The following CYRIA variants were observed in gnomAD, a reference collection of about 807,000 sequenced individuals.
The protein encoded by CYRIA is CYFIP related Rac1 interactor A, also known as CYFIP-related Rac1 interactor A.
In CYRIA, 15 loss-of-function variants were observed where a neutral mutation model predicts 43.9. The observed-to-expected ratio is 0.34, with a 90% confidence interval of 0.23 to 0.53. The LOEUF (loss-of-function observed/expected upper bound fraction) is 0.53, where lower values mean the gene tolerates loss of function less well. Ranked by LOEUF, CYRIA falls within the 20% of genes least tolerant of loss-of-function variation. The probability of loss-of-function intolerance (pLI) is 0.94; values close to 1 mark genes in which losing one functional copy is unlikely to be tolerated. For synonymous variants in CYRIA, 117 were observed against 136.0 expected (o/e 0.86, Z 0.97); for missense variants, 236 against 394.2 (o/e 0.60, Z 3.40).
chr2:16,662,764 C>T (rs1474587546), intron 1 of CYRIA, among the ~76,000 whole-genome samples: 1 of 152,204 alleles, frequency 6.6e-6, no homozygotes, highest in Non-Finnish European at 1.5e-5. Flanking sequence ...GTATTTCAGC[C>T]CCAAAGCACA....
chr2:16,623,189 G>A (rs1234737572), intron 2 of CYRIA: 1 of 152,180 alleles, frequency 6.6e-6, no homozygotes, highest in Non-Finnish European at 1.5e-5. Context: ...CTGAACGCTT[G>A]ACCAAACTTT....
chr2:16,574,470 A>G (rs910505830), intron 3 of CYRIA, among the ~76,000 whole-genome samples: 10 of 152,242 alleles, frequency 6.6e-5, no homozygotes, highest in African/African-American at 2.4e-4. Flanking sequence ...CAAGACAACA[A>G]TGGGGAAAAT....
chr2:16,581,314 A>G (rs550660111), intron 3 of CYRIA, among the ~76,000 whole-genome samples: 1 of 152,322 alleles, frequency 6.6e-6, no homozygotes, highest in East Asian at 1.9e-4. Flanking sequence ...TCTTAAATAG[A>G]TAAGCAACTA....
rs138398329 is a variant in CYRIA, at chr2:16,634,596, A to G, written c.-166-10577T>C. ...CACTCTAACTGCTTTATGTTTATCC[A>G]GAGAAGTTATCAAAAACTCTTACCA... is the stretch of plus-strand genomic sequence containing the variant. On this transcript the variant is annotated intron_variant, in intron 1 of 11. Transcript: ENST00000381323. 1.5e-3 allele frequency among the ~76,000 whole-genome samples: 236 copies of G among 152,368 alleles called. 1 individual carries two copies. The highest frequency in any genetic ancestry group is 5.3e-3 in the African/African-American group (220 of 41,580).
chr2:16,603,234 A>C (rs961178612), intron 2 of CYRIA, among the ~76,000 whole-genome samples: 5 of 152,130 alleles, frequency 3.3e-5, no homozygotes, highest in Admixed American at 3.3e-4. Flanking sequence ...TGACTGCCTC[A>C]GGGCCCTTGC....
At chr2:16,629,453 C>T (rs979795419) in intron 1 of CYRIA, among the ~76,000 whole-genome samples, 4 of 152,228 alleles carry the variant, frequency 2.6e-5, no homozygotes, top group African/African-American at 9.7e-5. Flanking sequence ...CAAACTCTCC[C>T]ATCAATACAG....
At chr2:16,622,297 A>G (rs1202686209) in intron 2 of CYRIA, among the ~76,000 whole-genome samples, 1 of 152,202 alleles carries the variant, frequency 6.6e-6, no homozygotes, top group Non-Finnish European at 1.5e-5. Context: ...AAACCTTCCA[A>G]TGGCCAGGCT....
chr2:16,651,962 C>T (rs904965534), intron 1 of CYRIA, among the ~76,000 whole-genome samples: 1 of 152,110 alleles, frequency 6.6e-6, no homozygotes, highest in East Asian at 1.9e-4. Flanking sequence ...ACAGTCAGTT[C>T]TCAAAAAACA....
chr2:16,610,835 C>G (rs1260377197), intron 2 of CYRIA, among the ~76,000 whole-genome samples: 2 of 147,006 alleles, frequency 1.4e-5, no homozygotes, highest in Non-Finnish European at 3.0e-5. Flanking sequence ...TCCCTCTATC[C>G]ATCACCCCTC....
chr2:16,562,055 T>C lies in CYRIA; in HGVS notation c.385A>G (p.Lys129Glu). Residue 129 changes from lysine to glutamate, a missense_variant, in exon 6 of 12, where the codon AAG becomes GAG. Around this residue, in one of 3 missense-constraint regions of CYRIA, gnomAD observed 193 missense variants for 303.9 expected, o/e 0.64. Transcript: ENST00000381323. The stretch of plus-strand genomic sequence containing the variant: ...AAATGTAAAATTTCGGCAAACTCCT[T>C]TGCCAGGGCCTGTTCCCTTTCCAGG... ...QHLEREQALA[K>E]EFAEILHFTL... The C allele has an allele frequency of 1.2e-6, 2 of 1,613,614 alleles. No homozygotes were observed. Among genetic ancestry groups the C allele is most frequent in the Non-Finnish European group, 1.7e-6 (2 of 1,179,654 alleles).
At chr2:16,631,316 T>C (rs939877688) in intron 1 of CYRIA, among the ~76,000 whole-genome samples, 2 of 152,218 alleles carry the variant, frequency 1.3e-5, no homozygotes, top group African/African-American at 4.8e-5. Flanking sequence ...GATGGTTGAA[T>C]TGTAAACTTC....
intron 9 of CYRIA, among the ~76,000 whole-genome samples, chr2:16,559,861 C>T (rs1331885477): frequency 6.6e-6 from 1 of 152,154 alleles, no homozygotes; most frequent in East Asian, 1.9e-4. Context: ...GTACCTCACT[C>T]CTCCACCTAT....
At chr2:16,592,322 C>T (rs13400668) in intron 2 of CYRIA, among the ~76,000 whole-genome samples, 37,082 of 151,938 alleles carry the variant, frequency 0.24, 4,875 homozygotes, top group Admixed American at 0.3. Flanking sequence ...GAGGAAGAGA[C>T]GGGAGAGGAT....
At chr2:16,607,887 G>A (rs1668463627) in intron 2 of CYRIA, among the ~76,000 whole-genome samples, 1 of 152,186 alleles carries the variant, frequency 6.6e-6, no homozygotes, top group African/African-American at 2.4e-5. Context: ...GTGAGCCAGA[G>A]TGCCCGGTCC....
chr2:16,657,812 T>C (rs1476108868), intron 1 of CYRIA, among the ~76,000 whole-genome samples: 1 of 152,208 alleles, frequency 6.6e-6, no homozygotes, highest in Non-Finnish European at 1.5e-5. Context: ...TCTGGGACAC[T>C]TATCTTTCTG....
chr2:16,643,543 T>G (rs533488585), intron 1 of CYRIA, among the ~76,000 whole-genome samples: 1 of 152,226 alleles, frequency 6.6e-6, no homozygotes, highest in African/African-American at 2.4e-5. Context: ...ACGATGTAAA[T>G]GAAACACACT....
chr2:16,652,964 A>T (rs1670014198), intron 1 of CYRIA, among the ~76,000 whole-genome samples: 1 of 152,234 alleles, frequency 6.6e-6, no homozygotes, highest in African/African-American at 2.4e-5. Context: ...ATTTAAAAAA[A>T]TCACAAATAA....
intron 1 of CYRIA, among the ~76,000 whole-genome samples, chr2:16,662,316 A>G (rs1670279840): frequency 6.6e-6 from 1 of 152,246 alleles, no homozygotes; most frequent in African/African-American, 2.4e-5. Flanking sequence ...ATATAACTAA[A>G]TAACAGCAAG....
intron 4 of CYRIA, 88 bp downstream of exon 4, chr2:16,565,558 A>G: frequency 7.4e-7 from 1 of 1,354,994 alleles, no homozygotes; most frequent in Non-Finnish European, 9.8e-7. Context: ...TGTAGCTATT[A>G]CTTAATCTTG....
Sources: gnomAD v4.1 joint callset for allele counts (sites outside exome capture counted in the v4.1 genomes callset) on GRCh38, gnomAD v4.1.1 for gene constraint, gnomAD v4.1.1 regional missense constraint, MANE v1.5 for transcripts, NCBI Gene and HGNC (gene_info 2026-07-23, HGNC 2026-07-21) for gene names.